Variants in PFDN1 observed in about 807,000 individuals in gnomAD.
PFDN1 encodes prefoldin subunit 1, also known as prefoldin 1.
A neutral mutation model predicts 17.3 loss-of-function variants in PFDN1; 6 were observed. The observed-to-expected ratio is 0.35, with a 90% confidence interval of 0.19 to 0.69. The LOEUF is 0.69. Among genes scored for constraint, PFDN1 ranks in the 30% least tolerant of loss-of-function variants. PFDN1 has a pLI of 0.65. For missense variants in PFDN1, 113 were observed against 146.2 expected, an observed-to-expected ratio of 0.77 and a Z score of 1.17; for synonymous variants, 58 against 50.1, an observed-to-expected ratio of 1.16 and a Z score of -0.67.
At chr5:140,274,230 CAA>C (rs1432940907) in intron 3 of PFDN1, among the ~76,000 whole-genome samples, 1 of 151,964 alleles carries the variant, frequency 6.6e-6, no homozygotes, top group African/African-American at 2.4e-5. Flanking sequence ...TGAATTTTGT[CAA>C]AAAAGACTTC....
intron 1 of PFDN1, 80 bp from the exon 2 acceptor site, chr5:140,300,662 A>C (rs1339395947): frequency 6.6e-6 from 6 of 905,242 alleles, no homozygotes; most frequent in Non-Finnish European, 1.0e-5. Context: ...ATATTAAAAC[A>C]AAATATGCTA....
At chr5:140,282,404 ATTT>A (rs34979639) in intron 2 of PFDN1, among the ~76,000 whole-genome samples, 14 of 136,876 alleles carry the variant, frequency 1.0e-4, no homozygotes, top group Admixed American at 1.4e-4. Flanking sequence ...GCGCCCCTCC[ATTT>A]TTTTTTTTTT....
chr5:140,252,896 G>A (rs1159716764), intron 3 of PFDN1, among the ~76,000 whole-genome samples: 1 of 152,230 alleles, frequency 6.6e-6, no homozygotes, highest in Non-Finnish European at 1.5e-5. Context: ...CTGGATGGGT[G>A]AGGAGGGCCA....
chr5:140,286,851 C>T (rs180963724), intron 2 of PFDN1, among the ~76,000 whole-genome samples: 12 of 152,072 alleles, frequency 7.9e-5, no homozygotes, highest in African/African-American at 2.4e-4. Context: ...GGGATCCAAC[C>T]GCCTCAGCCT....
At chr5:140,273,751 A>C (rs1027915506) in intron 3 of PFDN1, 2 of 205,424 alleles carry the variant, frequency 9.7e-6, no homozygotes, top group Non-Finnish European at 1.7e-5. Flanking sequence ...TAAGCACGCC[A>C]GACTGTCCTA....
chr5:140,279,241 T>A (rs933388892), intron 3 of PFDN1, among the ~76,000 whole-genome samples: 3 of 152,216 alleles, frequency 2.0e-5, no homozygotes, highest in Non-Finnish European at 2.9e-5. Context: ...AACAAAGTAA[T>A]ATTTTCATTG....
intron 2 of PFDN1, 62 bp downstream of exon 2, chr5:140,300,354 T>G: frequency 7.8e-7 from 1 of 1,273,894 alleles, no homozygotes; most frequent in Non-Finnish European, 1.1e-6. Flanking sequence ...GATGAACAAA[T>G]TCTATTTAAC....
At chr5:140,272,279 C>T (rs7733606) in intron 3 of PFDN1, among the ~76,000 whole-genome samples, 8,242 of 151,838 alleles carry the variant, frequency 0.054, 318 homozygotes, top group South Asian at 0.14. Context: ...CTCAGCCTCC[C>T]AAAGTGCTGG....
chr5:140,246,861 G>A (rs911944266), intron 3 of PFDN1, among the ~76,000 whole-genome samples: 9 of 152,306 alleles, frequency 5.9e-5, no homozygotes, highest in Admixed American at 5.2e-4. Flanking sequence ...TGTATTCCCA[G>A]TTAACAGACA....
intron 3 of PFDN1, among the ~76,000 whole-genome samples, chr5:140,255,507 T>C (rs1764972996): frequency 6.6e-6 from 1 of 151,990 alleles, no homozygotes; most frequent in Admixed American, 6.6e-5. Flanking sequence ...GGCATGGTGG[T>C]GCATGTCTGT....
At chr5:140,246,206 C>G in intron 3 of PFDN1, 149 bp from the exon 4 acceptor site, 2 of 642,504 alleles carry the variant, frequency 3.1e-6, no homozygotes, top group Middle Eastern at 2.5e-4. Context: ...CACCTGCCCA[C>G]AGTGCTCCCC....
At chr5:140,253,546 C>T (rs1260385064) in intron 3 of PFDN1, among the ~76,000 whole-genome samples, 3 of 152,152 alleles carry the variant, frequency 2.0e-5, no homozygotes, top group Non-Finnish European at 4.4e-5. Flanking sequence ...GAAAGCCCAG[C>T]CTACCAGATA....
intron 3 of PFDN1, among the ~76,000 whole-genome samples, chr5:140,249,584 C>T (rs1414423819): frequency 1.3e-5 from 2 of 152,138 alleles, no homozygotes; most frequent in Non-Finnish European, 2.9e-5. Flanking sequence ...TAAAGGAATA[C>T]CTGAGGCTGG....
chr5:140,296,445 G>A (rs539112487), intron 2 of PFDN1, among the ~76,000 whole-genome samples: 1 of 152,246 alleles, frequency 6.6e-6, no homozygotes, highest in South Asian at 2.1e-4. Flanking sequence ...CACTCAATGT[G>A]CTTTACTAGC....
chr5:140,253,311 A>G (rs556724929), intron 3 of PFDN1, among the ~76,000 whole-genome samples: 1 of 151,974 alleles, frequency 6.6e-6, no homozygotes, highest in African/African-American at 2.4e-5. Context: ...ATGGGGTCAG[A>G]CTCCCAAACC....
chr5:140,261,161 CAA>C (rs773165928), intron 3 of PFDN1, among the ~76,000 whole-genome samples: 8 of 48,010 alleles, frequency 1.7e-4, no homozygotes, highest in African/African-American at 1.7e-4. Flanking sequence ...GACTCCATCT[CAA>C]AAAAAAAAAA....
At chr5:140,286,063 TG>T (rs1200384042) in intron 2 of PFDN1, among the ~76,000 whole-genome samples, 1 of 151,980 alleles carries the variant, frequency 6.6e-6, no homozygotes, top group Non-Finnish European at 1.5e-5. Context: ...TTTATTGACA[TG>T]TAAAGATGTC....
intron 3 of PFDN1, among the ~76,000 whole-genome samples, chr5:140,266,187 GT>G (rs1389389405): frequency 6.6e-6 from 1 of 152,150 alleles, no homozygotes; most frequent in Non-Finnish European, 1.5e-5. Flanking sequence ...CAAAACTTCA[GT>G]TTTTCCAACT....
In PFDN1 at chr5:140,281,431, T is replaced by C; in HGVS notation, c.285+18A>G. On this transcript the variant is annotated intron_variant, in intron 3 of 3. Coordinates refer to ENST00000261813, the MANE Select transcript of PFDN1 (RefSeq NM_002622.5). The stretch of plus-strand genomic sequence containing the variant: ...ACTTTCTCCCAAAAGTTAACTCCTA[T>C]TGCCAATAAAAACTTACTTCTAGTT... 3.6e-6 allele frequency: 4 copies of C among 1,121,356 alleles called. No individual in the cohort carries two copies. Among genetic ancestry groups the C allele is most frequent in the Non-Finnish European group, 4.1e-6 (3 of 734,120 alleles). The allele number at this position is 1,121,356 out of a possible 1,614,324, so 69.5% of individuals were successfully genotyped here. A position where few individuals can be genotyped will look rare whatever the true frequency, so the allele number is the denominator to read the frequency against.
Sources: allele counts gnomAD v4.1 joint callset (sites outside exome capture counted in the v4.1 genomes callset), GRCh38; gene constraint gnomAD v4.1.1; transcripts MANE v1.5; gene names NCBI Gene and HGNC (gene_info 2026-07-23, HGNC 2026-07-21).